The following PAPPA variants were observed in gnomAD, a reference collection of about 807,000 sequenced individuals.
The protein encoded by PAPPA is pappalysin 1, also known as pappalysin-1.
A neutral mutation model predicts 164.0 loss-of-function variants in PAPPA; 60 were observed. The ratio of observed to expected loss-of-function variants is 0.37; its 90% CI spans 0.30 to 0.45. The LOEUF (loss-of-function observed/expected upper bound fraction) is 0.45. PAPPA is among the 20% of genes least tolerant of loss of function. PAPPA has a pLI of 1.00. For missense variants in PAPPA, 1,782 were observed against 2,087.3 expected (o/e 0.85, Z 2.85); for synonymous variants, 875 against 814.1 (o/e 1.07, Z -1.27).
intron 21 of PAPPA, among the ~76,000 whole-genome samples, chr9:116,389,881 T>C (rs1846867645): frequency 6.6e-6 from 1 of 152,154 alleles, no homozygotes; most frequent in Non-Finnish European, 1.5e-5. Context: ...ATTTATTATT[T>C]ATGATCAGAT....
At chr9:116,257,223 T>C (rs1252354059) in intron 7 of PAPPA, among the ~76,000 whole-genome samples, 1 of 152,020 alleles carries the variant, frequency 6.6e-6, no homozygotes, top group Non-Finnish European at 1.5e-5. Flanking sequence ...AATTAAATAA[T>C]TTTTAAAACA....
At position 116,302,769 on chromosome 9, in the gene PAPPA, G is replaced by A. The variant is rs867538153; in HGVS notation, c.2966G>A (p.Arg989Gln). The change falls in exon 10 of 22, where the codon CGG (arginine) becomes CAG (glutamine). Residue 989 changes from arginine (R) to glutamine (Q), a missense_variant. By Grantham distance (43) the Arg-to-Gln change is conservative. This residue lies in a region of PAPPA where 1,324 missense variants were observed against 1,656.9 expected (regional missense o/e 0.80). Transcript: ENST00000328252. ...CAATCTTTTGCAGATGAACCCAGCCGGTGCTATTTCCATGATGGTGATGGG... is the reference window on the plus strand; with the variant it reads ...CAATCTTTTGCAGATGAACCCAGCCAGTGCTATTTCCATGATGGTGATGGG... ...VSFNCIDEPS[R>Q]CYFHDGDGVC... 7.5e-6 allele frequency: 12 copies of A among 1,610,618 alleles called. No homozygotes were observed. The highest frequency in any genetic ancestry group is 2.7e-5 in the African/African-American group (2 of 74,762).
intron 1 of PAPPA, among the ~76,000 whole-genome samples, chr9:116,171,121 A>G (rs1383378925): frequency 3.9e-5 from 6 of 152,198 alleles, no homozygotes; most frequent in Non-Finnish European, 5.9e-5. Context: ...GGTACTGGAA[A>G]AACAATAGGA....
chr9:116,194,462 G>T (rs958069224), intron 2 of PAPPA, among the ~76,000 whole-genome samples: 1 of 152,150 alleles, frequency 6.6e-6, no homozygotes, highest in African/African-American at 2.4e-5. Flanking sequence ...GAATATCAGG[G>T]TTTATTTAAT....
At chr9:116,290,442 A>G (rs891573025) in intron 9 of PAPPA, among the ~76,000 whole-genome samples, 1 of 151,922 alleles carries the variant, frequency 6.6e-6, no homozygotes, top group Non-Finnish European at 1.5e-5. Flanking sequence ...CAAGAACCAA[A>G]TATATCTTAG....
chr9:116,195,870 C>A (rs866629651), intron 2 of PAPPA, among the ~76,000 whole-genome samples: 1 of 151,054 alleles, frequency 6.6e-6, no homozygotes, highest in African/African-American at 2.4e-5. Flanking sequence ...TTTTATCATC[C>A]TCAGGTTTCA....
At chr9:116,367,609 G>T (rs573891877) in intron 18 of PAPPA, 36 bp from the exon 19 acceptor site, 1 of 1,506,756 alleles carries the variant, frequency 6.6e-7, no homozygotes, top group South Asian at 1.1e-5. Flanking sequence ...TGAGGGTCTC[G>T]GGCCTGAGCT....
intron 7 of PAPPA, among the ~76,000 whole-genome samples, chr9:116,239,453 G>A (rs1231186855): frequency 6.6e-6 from 1 of 152,122 alleles, no homozygotes; most frequent in Non-Finnish European, 1.5e-5. Flanking sequence ...TAGAGAAGGT[G>A]TCTGGGGTAA....
chr9:116,159,678 G>A (rs948105686), intron 1 of PAPPA, among the ~76,000 whole-genome samples: 18 of 152,142 alleles, frequency 1.2e-4, no homozygotes, highest in Non-Finnish European at 1.9e-4. Flanking sequence ...CTCACCTTCC[G>A]TTGAGCTGCC....
intron 1 of PAPPA, among the ~76,000 whole-genome samples, chr9:116,175,790 G>C (rs1413920362): frequency 6.6e-6 from 1 of 152,144 alleles, no homozygotes; most frequent in East Asian, 1.9e-4. Context: ...TCGAGTGGGG[G>C]AGAGTACCAT....
chr9:116,193,406 C>T (rs977626257), intron 2 of PAPPA, among the ~76,000 whole-genome samples: 1 of 152,136 alleles, frequency 6.6e-6, no homozygotes, highest in Non-Finnish European at 1.5e-5. Flanking sequence ...TCATACTTTC[C>T]TCTTCCTTTT....
At chr9:116,322,686 C>A (rs892250882) in intron 10 of PAPPA, among the ~76,000 whole-genome samples, 1 of 152,098 alleles carries the variant, frequency 6.6e-6, no homozygotes, top group Non-Finnish European at 1.5e-5. Context: ...CTTCTTGCAC[C>A]CTTGCAATTC....
intron 2 of PAPPA, among the ~76,000 whole-genome samples, chr9:116,206,852 G>A (rs1417518275): frequency 1.3e-5 from 2 of 152,168 alleles, no homozygotes; most frequent in Non-Finnish European, 2.9e-5. Flanking sequence ...AGTCCCAGCA[G>A]AGGAAACAGC....
chr9:116,372,044 CTTTT>C (rs1479207444), intron 19 of PAPPA, among the ~76,000 whole-genome samples: 10 of 152,286 alleles, frequency 6.6e-5, no homozygotes, highest in African/African-American at 2.4e-4. Flanking sequence ...AATGTACCTT[CTTTT>C]TTGTGTCCTA....
At position 116,174,504 on chromosome 9, in the gene PAPPA, G is replaced by A. The variant is rs988042325; in HGVS notation, c.416-12650G>A. ...GTGGGAATCTTCCCCATTCCTCTTG[G>A]CTCCTTAGAATGGGTACAGGTGTTC... On this transcript the variant is annotated intron_variant, in intron 1 of 21. Coordinates refer to ENST00000328252, the MANE Select transcript of PAPPA (RefSeq NM_002581.5). Among the ~76,000 whole-genome samples, 5 of 152,002 alleles carry A rather than the reference G, an allele frequency of 3.3e-5. No homozygotes were observed. In the East Asian group the frequency reaches 9.7e-4, roughly 29 times the overall value.
intron 3 of PAPPA, among the ~76,000 whole-genome samples, chr9:116,211,411 T>A (rs903117376): frequency 6.6e-6 from 1 of 152,194 alleles, no homozygotes; most frequent in Non-Finnish European, 1.5e-5. Flanking sequence ...GGCGTTTTCA[T>A]ATGAAAAATA....
intron 3 of PAPPA, among the ~76,000 whole-genome samples, chr9:116,208,359 A>G (rs1409450763): frequency 2.2e-5 from 3 of 137,012 alleles, no homozygotes; most frequent in East Asian, 2.4e-4. Context: ...TTCACTTAAT[A>G]TTATGCTATC....
At position 116,235,166 on chromosome 9, in the gene PAPPA, A is replaced by G. The variant is rs1234329679; in HGVS notation, c.2261A>G (p.Lys754Arg). The change falls in exon 7 of 22, where the codon AAG becomes AGG. Residue 754 changes from lysine to arginine, a missense_variant. By Grantham distance (26) the Lys-to-Arg change is conservative. Transcript: ENST00000328252. ...CATCCTGATGTTGAACAGCCCTGTA[A>G]GTCCAGTGTCCGCACCTGGAGCCCA... ...EGHPDVEQPCKSSVRTWSPNS... is the reference protein window; with the variant it reads ...EGHPDVEQPCRSSVRTWSPNS... 5.0e-6 allele frequency: 8 copies of G among 1,613,986 alleles called. No individual in the cohort carries two copies. In the African/African-American group the frequency reaches 9.3e-5, roughly 19 times the overall value.
chr9:116,157,620 T>G (rs1462408117), intron 1 of PAPPA, among the ~76,000 whole-genome samples: 1 of 152,014 alleles, frequency 6.6e-6, no homozygotes, highest in Non-Finnish European at 1.5e-5. Context: ...GTGTGCTGGA[T>G]GACACAGCTC....
Sources: allele counts gnomAD v4.1 joint callset (sites outside exome capture counted in the v4.1 genomes callset), GRCh38; gene constraint gnomAD v4.1.1; regional missense constraint gnomAD v4.1.1; transcripts MANE v1.5; gene names NCBI Gene and HGNC (gene_info 2026-07-23, HGNC 2026-07-21).